Variants in RAI14 observed in about 807,000 individuals in gnomAD.
RAI14 encodes ankycorbin.
RAI14 carries 45 observed loss-of-function variants against 115.4 expected under a neutral mutation model. The ratio of observed to expected loss-of-function variants is 0.39; its 90% CI spans 0.31 to 0.50. The LOEUF (loss-of-function observed/expected upper bound fraction) is 0.50. Among genes scored for constraint, RAI14 ranks in the 20% least tolerant of loss-of-function variants. RAI14 has a pLI of 0.85. For synonymous variants in RAI14, 371 were observed against 415.4 expected (o/e 0.89, Z 1.30); for missense variants, 939 against 1,131.2 (o/e 0.83, Z 2.44).
At chr5:34,670,729 A>G (rs1416865223) in intron 1 of RAI14, among the ~76,000 whole-genome samples, 1 of 152,098 alleles carries the variant, frequency 6.6e-6, no homozygotes. Flanking sequence ...TTACCTTTCT[A>G]TTATTATGTC....
rs780379758 is a variant in RAI14 at position 34,818,809 on chromosome 5, T to G, written c.952T>G (p.Ser318Ala). The G allele has an allele frequency of 1.9e-5, 30 of 1,611,494 alleles. No individual in the cohort carries two copies. In the South Asian group the frequency reaches 3.3e-4, roughly 18 times the overall value. Residue 318 changes from serine (S) to alanine (A), a missense_variant, in exon 13 of 18, where the codon TCT (serine) becomes GCT (alanine). Physicochemically the swap from Ser to Ala is moderately conservative, Grantham distance 99. Transcript: ENST00000265109. ...AEPPFKAEIS[S>A]IRENKDRLSD... ...TGTGTTTCAATAGGCTGAGATCAGT[T>G]CTATACGAGAAAACAAAGACAGACT...
At position 34,826,499 on chromosome 5, in the gene RAI14, C is replaced by T. The variant is rs1283956529; in HGVS notation, c.2799+20C>T. 1 of 1,609,606 alleles carries T rather than the reference C, an allele frequency of 6.2e-7. No individual in the cohort carries two copies. Among genetic ancestry groups the T allele is most frequent in the Non-Finnish European group, 8.5e-7 (1 of 1,177,420 alleles). Reference sequence around the variant, plus strand: ...CTGGCGGTGAGTGGGCTTGTTTCTGCTGCCTGGTTTGGGGTGGAGGGCCTG... The same window carrying T: ...CTGGCGGTGAGTGGGCTTGTTTCTGTTGCCTGGTTTGGGGTGGAGGGCCTG... On this transcript the variant is annotated intron_variant, in intron 16 of 17. Transcript: ENST00000265109.
intron 2 of RAI14, among the ~76,000 whole-genome samples, chr5:34,756,249 G>A (rs953922080): frequency 1.3e-5 from 2 of 152,138 alleles, no homozygotes; most frequent in Non-Finnish European, 2.9e-5. Flanking sequence ...TCCCGGGGCC[G>A]TGGAAGACTG....
intron 3 of RAI14, among the ~76,000 whole-genome samples, chr5:34,782,489 CA>C (rs1338911258): frequency 6.6e-6 from 1 of 152,170 alleles, no homozygotes; most frequent in Non-Finnish European, 1.5e-5. Flanking sequence ...TCAAGCACTC[CA>C]GTTCCTGGCA....
chr5:34,766,778 G>A (rs1486542689), intron 3 of RAI14, among the ~76,000 whole-genome samples: 2 of 152,054 alleles, frequency 1.3e-5, no homozygotes, highest in East Asian at 3.9e-4. Context: ...AGGGACCAGG[G>A]GCAGAATGAT....
chr5:34,774,937 G>A (rs556332427), intron 3 of RAI14, among the ~76,000 whole-genome samples: 26 of 152,078 alleles, frequency 1.7e-4, no homozygotes, highest in African/African-American at 3.6e-4. Flanking sequence ...CCAATAGAGC[G>A]GAACAGAGAA....
intron 3 of RAI14, among the ~76,000 whole-genome samples, chr5:34,762,014 C>T (rs1393627375): frequency 6.6e-6 from 1 of 152,126 alleles, no homozygotes; most frequent in East Asian, 1.9e-4. Flanking sequence ...GACTTGAATC[C>T]CGTAGAGTAC....
intron 2 of RAI14, among the ~76,000 whole-genome samples, chr5:34,713,333 C>A (rs994733874): frequency 2.0e-5 from 3 of 152,046 alleles, no homozygotes; most frequent in Non-Finnish European, 2.9e-5. Flanking sequence ...GAAGGAGAGA[C>A]TCACTAAAGG....
intron 1 of RAI14, among the ~76,000 whole-genome samples, chr5:34,664,120 A>G (rs987137789): frequency 6.0e-4 from 92 of 152,272 alleles, no homozygotes; most frequent in African/African-American, 2.1e-3. Flanking sequence ...TTGTAGTCCA[A>G]GAAGCTTACT....
At chr5:34,772,476 T>C (rs938474954) in intron 3 of RAI14, among the ~76,000 whole-genome samples, 1 of 152,206 alleles carries the variant, frequency 6.6e-6, no homozygotes, top group African/African-American at 2.4e-5. Flanking sequence ...TAAAGTTTAC[T>C]CCAACCCCTC....
intron 2 of RAI14, among the ~76,000 whole-genome samples, chr5:34,708,754 G>A (rs1719238229): frequency 6.6e-6 from 1 of 152,066 alleles, no homozygotes; most frequent in African/African-American, 2.4e-5. Flanking sequence ...TAAAACCATG[G>A]GGGTAATTGA....
intron 2 of RAI14, among the ~76,000 whole-genome samples, chr5:34,698,373 C>T (rs1739600734): frequency 2.0e-5 from 3 of 151,692 alleles, no homozygotes; most frequent in Admixed American, 2.0e-4. Context: ...GTGCCTAGCA[C>T]AGTGCCTGGC....
chr5:34,722,242 G>T lies in RAI14; in HGVS notation c.37-35226G>T, dbSNP rs537805375. On this transcript the variant is annotated intron_variant, in intron 2 of 17. Coordinates refer to ENST00000265109, the MANE Select transcript of RAI14 (RefSeq NM_015577.3). ...ACATAAAGTTAACATGAGGCCTTTAGGGTGGGCCCTAATCTAGTATGACTA... is the reference window on the plus strand; with the variant it reads ...ACATAAAGTTAACATGAGGCCTTTATGGTGGGCCCTAATCTAGTATGACTA... Among the ~76,000 whole-genome samples the T allele has an allele frequency of 3.4e-5, 5 of 149,122 alleles. No homozygotes were observed. The East Asian group carries it at 9.8e-4, about 29-fold the overall frequency.
intron 4 of RAI14, 114 bp from the exon 5 acceptor site, chr5:34,803,598 C>CT: frequency 1.1e-6 from 1 of 892,366 alleles, no homozygotes. Context: ...ACAGTTCCGT[C>CT]TTTTTTGGAT....
chr5:34,690,901 C>A (rs1420233112), intron 2 of RAI14, among the ~76,000 whole-genome samples: 1 of 152,034 alleles, frequency 6.6e-6, no homozygotes, highest in East Asian at 1.9e-4. Flanking sequence ...GGTTGATAAA[C>A]CTCGGTGGGA....
rs764260273 is a variant in RAI14 at position 34,823,760 on chromosome 5, G to A, written c.1918G>A (p.Glu640Lys). 2 of 1,614,146 alleles carry A rather than the reference G, an allele frequency of 1.2e-6. No individual in the cohort carries two copies. Among genetic ancestry groups the A allele is most frequent in the South Asian group, 1.1e-5 (1 of 91,048 alleles). ...MKEAMNRMID[E>K]LNKQVSELSQ... ...AGAAGCCATGAATAGGATGATAGAT[G>A]AACTCAATAAACAGGTGAGCGAGCT... Residue 640 changes from glutamate to lysine, a missense_variant, in exon 15 of 18, where the codon GAA becomes AAA. Transcript: ENST00000265109. This position sits in a 1 kb window ranked among gnomAD's most constrained non-coding sequence, Gnocchi z 4.5.
In RAI14 at chr5:34,678,406, C is replaced by A. The variant is rs570443005; in HGVS notation, c.-48-8466C>A. On this transcript the variant is annotated intron_variant, in intron 1 of 17. Transcript: ENST00000265109. ...CCTCCACCCCATTTCTAAGTCCTAACCCCCAGTTTCTCAGAATGTACCTGT... is the reference window on the plus strand; with the variant it reads ...CCTCCACCCCATTTCTAAGTCCTAAACCCCAGTTTCTCAGAATGTACCTGT... Among the ~76,000 whole-genome samples, 23 of 152,206 alleles carry A rather than the reference C, an allele frequency of 1.5e-4. No homozygotes were observed. The South Asian group carries it at 1.7e-3, about 11-fold the overall frequency.
intron 4 of RAI14, 141 bp from the exon 5 acceptor site, chr5:34,803,570 AC>A (rs66603667): frequency 0.39 from 262,326 of 680,728 alleles, 46,986 homozygotes; most frequent in Admixed American, 0.49. Context: ...AAACAAAAAA[AC>A]AAACAAACAA....
chr5:34,661,645 C>A (rs1000426390), intron 1 of RAI14, among the ~76,000 whole-genome samples: 3 of 152,042 alleles, frequency 2.0e-5, no homozygotes, highest in African/African-American at 7.2e-5. Flanking sequence ...TTGCCTAATC[C>A]TGAATTTAGA....
Sources: gnomAD v4.1 joint callset for allele counts (sites outside exome capture counted in the v4.1 genomes callset) on GRCh38, gnomAD v4.1.1 for gene constraint, Gnocchi (gnomAD v3.1) non-coding constraint, MANE v1.5 for transcripts, NCBI Gene and HGNC (gene_info 2026-07-23, HGNC 2026-07-21) for gene names.